The following DCAF8 variants were observed in gnomAD, a reference collection of about 807,000 sequenced individuals.
DCAF8 encodes DDB1- and CUL4-associated factor 8.
Under a neutral mutation model 68.0 loss-of-function variants are expected in DCAF8, and 20 were observed. The observed-to-expected ratio is 0.29, with a 90% confidence interval of 0.21 to 0.43. The LOEUF (loss-of-function observed/expected upper bound fraction) is 0.43. Among genes scored for constraint, DCAF8 ranks in the 20% least tolerant of loss-of-function variants. The pLI, the probability that DCAF8 is intolerant of heterozygous loss-of-function variation, is 1.00. For missense variants in DCAF8, 460 were observed against 771.0 expected, an observed-to-expected ratio of 0.60 and a Z score of 4.78; for synonymous variants, 230 against 276.9, an observed-to-expected ratio of 0.83 and a Z score of 1.68.
chr1:160,225,845 A>G (rs1052177942), intron 7 of DCAF8, among the ~76,000 whole-genome samples, 182 bp from the exon 8 acceptor site: 1 of 151,934 alleles, frequency 6.6e-6, no homozygotes. Context: ...TCCAAACCCT[A>G]AATCTTTTGT....
In DCAF8 at chr1:160,240,316, G is replaced by A. The variant is rs1171585767; in HGVS notation, c.104C>T (p.Thr35Ile). 6.2e-7 allele frequency: 1 copy of A among 1,613,790 alleles called. No individual in the cohort carries two copies. Among genetic ancestry groups the A allele is most frequent in the South Asian group, 1.1e-5 (1 of 91,060 alleles). ...GGCCTCCACTTCAATGCCTGAGGAT[G>A]TCTCCCTCCCCTCTTCAGCTCCAGA... ...EMSGAEEGRE[T>I]SSGIEVEASD... is the part of the protein sequence containing the mutation. The change falls in exon 4 of 14, where the codon ACA becomes ATA. Residue 35 changes from threonine (T) to isoleucine (I), a missense_variant. By Grantham distance (89) the Thr-to-Ile change is moderately conservative. Around this residue, in one of 8 missense-constraint regions of DCAF8, gnomAD observed 156 missense variants for 181.4 expected, o/e 0.86. Transcript: ENST00000368074.
Position 160,225,909 on chromosome 1 carries a change from C to A in DCAF8, c.1071-246G>T, listed in dbSNP as rs149180197. Among the ~76,000 whole-genome samples the A allele has an allele frequency of 2.0e-5, 3 of 152,188 alleles. No individual in the cohort carries two copies. The East Asian group carries it at 5.8e-4, about 29-fold the overall frequency. On this transcript the variant is annotated intron_variant, in intron 7 of 13. Coordinates refer to ENST00000368074, the MANE Select transcript of DCAF8 (RefSeq NM_015726.4). ...CCCAGGCTGTAGTGCAGTGGCATGA[C>A]CCCGGCTCACTGCAACCTCCGCCTC... is the stretch of plus-strand genomic sequence containing the variant.
At chr1:160,262,134 A>G (rs1657120717) in intron 1 of DCAF8, 2 of 391,370 alleles carry the variant, frequency 5.1e-6, no homozygotes, top group East Asian at 7.2e-5. Context: ...AAGGGCAACC[A>G]GTACTCCCAG....
intron 6 of DCAF8, among the ~76,000 whole-genome samples, chr1:160,236,921 C>G (rs1417469193): frequency 6.6e-6 from 1 of 152,116 alleles, no homozygotes; most frequent in East Asian, 1.9e-4. Flanking sequence ...CCACATATAA[C>G]AAGTAAACTG....
intron 2 of DCAF8, among the ~76,000 whole-genome samples, chr1:160,244,367 T>C (rs1343924991): frequency 6.6e-6 from 1 of 152,224 alleles, no homozygotes. Flanking sequence ...TGACAGGTAC[T>C]GCAAGCCAAG....
chr1:160,254,208 G>A (rs939688869), intron 2 of DCAF8, among the ~76,000 whole-genome samples: 3 of 152,038 alleles, frequency 2.0e-5, no homozygotes, highest in African/African-American at 7.2e-5. Context: ...TGTAATCCCA[G>A]CTACTGGGGA....
intron 10 of DCAF8, 31 bp downstream of exon 10, chr1:160,224,411 G>C: frequency 1.9e-6 from 3 of 1,545,308 alleles, no homozygotes; most frequent in Non-Finnish European, 2.7e-6. Context: ...CAACAGGCTT[G>C]GGCCAAAGAA....
chr1:160,218,804 TG>T (rs1179067125), intron 12 of DCAF8, 44 bp downstream of exon 12: 1 of 1,611,680 alleles, frequency 6.2e-7, no homozygotes, highest in Non-Finnish European at 8.5e-7. Context: ...ATCAACAGTA[TG>T]TGGATAAGCA....
At chr1:160,250,004 C>G (rs1656511010) in intron 2 of DCAF8, among the ~76,000 whole-genome samples, 1 of 152,142 alleles carries the variant, frequency 6.6e-6, no homozygotes, top group African/African-American at 2.4e-5. Context: ...ATGAAACTGA[C>G]TACGAAAGGG....
At chr1:160,238,955 A>G (rs1175558129) in intron 4 of DCAF8, 4 of 626,060 alleles carry the variant, frequency 6.4e-6, no homozygotes, top group Non-Finnish European at 2.5e-6. Context: ...TTGATGTAAG[A>G]GAGCATTTCA....
intron 2 of DCAF8, among the ~76,000 whole-genome samples, chr1:160,251,422 T>C (rs781762894): frequency 2.6e-5 from 4 of 152,222 alleles, no homozygotes; most frequent in Non-Finnish European, 5.9e-5. Context: ...CAAGAAACAC[T>C]TACTTCTCCA....
chr1:160,218,092 TG>T lies in DCAF8; in HGVS notation c.1677+231del, dbSNP rs1655183477. 6 of 563,090 alleles carry T rather than the reference TG, an allele frequency of 1.1e-5. No homozygotes were observed. In the South Asian group the frequency reaches 1.4e-4, roughly 13 times the overall value. 34.9% of individuals were successfully genotyped at this position (563,090 alleles called of 1,614,324 possible). ...ATTCCCTCCTCCACCCTCCAGCTTT[TG>T]CCTTTATGAAGATAGCATTACACAT... On this transcript the variant is annotated intron_variant, in intron 13 of 13. Transcript: ENST00000368074.
At chr1:160,236,390 A>G (rs1655892105) in intron 6 of DCAF8, among the ~76,000 whole-genome samples, 1 of 151,472 alleles carries the variant, frequency 6.6e-6, no homozygotes, top group African/African-American at 2.4e-5. Flanking sequence ...GTGTGTATAT[A>G]TGTGTACATG....
At chr1:160,226,566 T>C (rs1288846163) in intron 7 of DCAF8, among the ~76,000 whole-genome samples, 3 of 152,166 alleles carry the variant, frequency 2.0e-5, no homozygotes, top group Non-Finnish European at 2.9e-5. Context: ...TCTTGAAAAA[T>C]GCTTTTCATT....
intron 2 of DCAF8, among the ~76,000 whole-genome samples, chr1:160,258,578 G>A (rs935382811): frequency 1.3e-5 from 2 of 151,720 alleles, no homozygotes; most frequent in African/African-American, 4.8e-5. Context: ...CTTGAGCCGG[G>A]CAAGTAAGAC....
At chr1:160,223,902 C>G (rs1655380575) in intron 10 of DCAF8, among the ~76,000 whole-genome samples, 1 of 152,164 alleles carries the variant, frequency 6.6e-6, no homozygotes, top group South Asian at 2.1e-4. Context: ...GCCTGGACAA[C>G]AGAGTGAGAT....
chr1:160,240,392 G>A (rs777299798), intron 3 of DCAF8, 22 bp from the exon 4 acceptor site: 13 of 1,565,880 alleles, frequency 8.3e-6, no homozygotes, highest in East Asian at 2.3e-5. Context: ...TGAGGAAGGA[G>A]TAGAGGAGAG....
chr1:160,261,211 T>C (rs1019039143), intron 2 of DCAF8, 74 bp downstream of exon 2: 4 of 152,224 alleles, frequency 2.6e-5, no homozygotes, highest in African/African-American at 9.6e-5. Context: ...TTTATGACTT[T>C]AGTGGTCAGC....
At chr1:160,229,548 C>T (rs1655598100) in intron 7 of DCAF8, among the ~76,000 whole-genome samples, 1 of 152,200 alleles carries the variant, frequency 6.6e-6, no homozygotes, top group South Asian at 2.1e-4. Flanking sequence ...CTACATTCCC[C>T]TCCAAACATC....
Sources: gnomAD v4.1 joint callset for allele counts (sites outside exome capture counted in the v4.1 genomes callset) on GRCh38, gnomAD v4.1.1 for gene constraint, gnomAD v4.1.1 regional missense constraint, MANE v1.5 for transcripts, NCBI Gene and HGNC (gene_info 2026-07-23, HGNC 2026-07-21) for gene names.